Variants in RYK observed in about 807,000 individuals in gnomAD.
The protein encoded by RYK is inactive tyrosine-protein kinase RYK.
In RYK, 21 loss-of-function variants were observed where a neutral mutation model predicts 70.2. The observed-to-expected ratio is 0.30, with a 90% CI of 0.21 to 0.43. The LOEUF (loss-of-function observed/expected upper bound fraction) is 0.43. Ranked by LOEUF, RYK falls within the 20% of genes least tolerant of loss-of-function variation. The pLI is 1.00. For synonymous variants in RYK, 267 were observed against 278.0 expected (o/e 0.96, Z 0.39); for missense variants, 604 against 753.3 (o/e 0.80, Z 2.32).
intron 4 of RYK, among the ~76,000 whole-genome samples, chr3:134,208,714 GA>G (rs1320997022): frequency 6.6e-6 from 1 of 152,184 alleles, no homozygotes; most frequent in African/African-American, 2.4e-5. Flanking sequence ...CAAAGAGGCT[GA>G]GAGAACAGGT....
chr3:134,203,462 G>T (rs930432421), intron 5 of RYK, among the ~76,000 whole-genome samples: 1 of 152,152 alleles, frequency 6.6e-6, no homozygotes, highest in East Asian at 1.9e-4. Context: ...GAAAGTCTAT[G>T]GGACAAATGG....
intron 13 of RYK, among the ~76,000 whole-genome samples, chr3:134,161,463 G>A (rs191759178): frequency 3.6e-4 from 55 of 152,166 alleles, no homozygotes; most frequent in African/African-American, 1.2e-3. Context: ...AAATGCCTCC[G>A]GACATAGCCA....
intron 13 of RYK, among the ~76,000 whole-genome samples, chr3:134,161,083 TAAC>T (rs2012455665): frequency 6.6e-6 from 1 of 152,174 alleles, no homozygotes; most frequent in Non-Finnish European, 1.5e-5. Flanking sequence ...AATATATTAG[TAAC>T]AACTGAACAT....
At chr3:134,238,290 G>A (rs1037712579) in intron 1 of RYK, among the ~76,000 whole-genome samples, 2 of 152,116 alleles carry the variant, frequency 1.3e-5, no homozygotes, top group Non-Finnish European at 2.9e-5. Context: ...GTAATTCTCT[G>A]CCACATTCTT....
chr3:134,241,245 G>A (rs974990040), intron 1 of RYK, among the ~76,000 whole-genome samples: 1 of 151,318 alleles, frequency 6.6e-6, no homozygotes, highest in Admixed American at 6.6e-5. Context: ...AGCTACTCAG[G>A]AGCCTTAGGC....
At chr3:134,204,918 C>G (rs769318275) in intron 5 of RYK, among the ~76,000 whole-genome samples, 13 of 152,024 alleles carry the variant, frequency 8.6e-5, no homozygotes, top group Non-Finnish European at 1.8e-4. Context: ...AGAGCAGAAG[C>G]AGGGAACAAG....
Position 134,158,105 on chromosome 3 carries a change from G to T in RYK, c.*48C>A. The T allele has an allele frequency of 9.2e-7, 1 of 1,086,466 alleles. No homozygotes were observed. The highest frequency in any genetic ancestry group is 1.2e-6 in the Non-Finnish European group (1 of 800,334). The allele number at this position is 1,086,466 out of a possible 1,614,324, so 67.3% of individuals were successfully genotyped here. Reference sequence around the variant, plus strand: ...AAAGCATCCCTGACAGGCTTCAAGTGAGCCCCGACAGGCACCTTCTTCCTG... The same window carrying T: ...AAAGCATCCCTGACAGGCTTCAAGTTAGCCCCGACAGGCACCTTCTTCCTG... On this transcript the variant is annotated 3_prime_UTR_variant, in exon 15 of 15. Coordinates refer to ENST00000623711, the MANE Select transcript of RYK (RefSeq NM_002958.4).
chr3:134,249,722 CAG>C (rs532072700), intron 1 of RYK, among the ~76,000 whole-genome samples: 144 of 152,164 alleles, frequency 9.5e-4, no homozygotes, highest in African/African-American at 3.2e-3. Context: ...CCCAGAAGTA[CAG>C]AGTCAGTCCA....
In RYK at chr3:134,159,090, G is replaced by GT. The variant is rs1342098219; in HGVS notation, c.1712+146dup. The GT allele has an allele frequency of 1.5e-5, 13 of 868,194 alleles. No individual in the cohort carries two copies. In the Admixed American group the frequency reaches 2.3e-4, roughly 15 times the overall value. The allele number at this position is 868,194 out of a possible 1,614,324, so 53.8% of individuals were successfully genotyped here. A position where few individuals can be genotyped will look rare whatever the true frequency, so the allele number is the denominator to read the frequency against. ...GTGAACGAATCTCCCTGACTTTGTG[G>GT]TTTTTTATAAGAGTCTAATTTAAAT... is the stretch of plus-strand genomic sequence containing the variant. On this transcript the variant is annotated intron_variant, in intron 14 of 14. Transcript: ENST00000623711.
rs1359982924 is a variant in RYK, at chr3:134,207,476, A to G, written c.639T>C (p.Thr213=). The part of the protein sequence containing the change: ...TSALDKNTSR[T]IYDPVHAAPT... ...AGATAATACAGTAACACTTACAAAT[A>G]GTTCTGCTAGTGTTTTTGTCCAAGG... Residue 213 remains threonine, a synonymous_variant, in exon 5 of 15, where the codon ACT becomes ACC. Transcript: ENST00000623711. The G allele has an allele frequency of 6.5e-7, 1 of 1,533,272 alleles. No individual in the cohort carries two copies. Among genetic ancestry groups the G allele is most frequent in the South Asian group, 1.2e-5 (1 of 81,040 alleles). The allele number at this position is 1,533,272 out of a possible 1,614,324, so 95.0% of individuals were successfully genotyped here. A position where few individuals can be genotyped will look rare whatever the true frequency, so the allele number is the denominator to read the frequency against.
At chr3:134,231,207 AAAG>A (rs1421527992) in intron 1 of RYK, among the ~76,000 whole-genome samples, 33 of 151,974 alleles carry the variant, frequency 2.2e-4, no homozygotes, top group Non-Finnish European at 2.6e-4. Context: ...AAAAAAAAAA[AAAG>A]AAGAAAATGC....
intron 6 of RYK, among the ~76,000 whole-genome samples, chr3:134,200,832 C>T (rs773360560): frequency 6.6e-6 from 1 of 152,146 alleles, no homozygotes; most frequent in Non-Finnish European, 1.5e-5. Flanking sequence ...GCTCTGAAAA[C>T]GTGATAATAT....
chr3:134,241,974 G>A (rs2015336645), intron 1 of RYK, among the ~76,000 whole-genome samples: 1 of 152,174 alleles, frequency 6.6e-6, no homozygotes, highest in African/African-American at 2.4e-5. Flanking sequence ...CTAGAGACTT[G>A]TGTGCTGTCT....
rs1355673559 is a variant in RYK, at chr3:134,157,475, C to A, written c.*678G>T. The A allele has an allele frequency of 6.6e-6, 1 of 152,200 alleles. No individual in the cohort carries two copies. Among genetic ancestry groups the A allele is most frequent in the Admixed American group, 6.5e-5 (1 of 15,292 alleles). 9.4% of individuals were successfully genotyped at this position (152,200 alleles called of 1,614,324 possible). On this transcript the variant is annotated 3_prime_UTR_variant, in exon 15 of 15. Coordinates refer to ENST00000623711, the MANE Select transcript of RYK (RefSeq NM_002958.4). ...AATTAAAGATGTAATGAACTCAGTT[C>A]CTGCTTTCCCAAAAACACGAAAGCA...
chr3:134,243,613 T>C (rs981598850), intron 1 of RYK, among the ~76,000 whole-genome samples: 34 of 152,190 alleles, frequency 2.2e-4, no homozygotes, highest in Non-Finnish European at 4.0e-4. Context: ...AGATTTTTCC[T>C]ACCCCACAAT....
intron 2 of RYK, among the ~76,000 whole-genome samples, chr3:134,221,594 A>G (rs1041792827): frequency 6.6e-6 from 1 of 152,210 alleles, no homozygotes; most frequent in Non-Finnish European, 1.5e-5. Flanking sequence ...AAGATTTTTA[A>G]AAATCTATAT....
chr3:134,215,248 C>T (rs1488813251), intron 2 of RYK, among the ~76,000 whole-genome samples: 2 of 152,128 alleles, frequency 1.3e-5, no homozygotes, highest in African/African-American at 4.8e-5. Flanking sequence ...CTAAGACTGG[C>T]GCCTGAGCAT....
intron 13 of RYK, among the ~76,000 whole-genome samples, chr3:134,169,120 A>G (rs894791874): frequency 6.6e-6 from 1 of 152,226 alleles, no homozygotes; most frequent in Non-Finnish European, 1.5e-5. Context: ...ATACTTTTAA[A>G]AGGATCTCTT....
intron 1 of RYK, among the ~76,000 whole-genome samples, chr3:134,225,624 C>G (rs943357076): frequency 4.6e-5 from 7 of 152,080 alleles, no homozygotes; most frequent in East Asian, 1.9e-4. Flanking sequence ...GAGGCTGAAA[C>G]GAGAGGATCC....
Sources: allele counts gnomAD v4.1 joint callset (sites outside exome capture counted in the v4.1 genomes callset), GRCh38; gene constraint gnomAD v4.1.1; transcripts MANE v1.5; gene names NCBI Gene and HGNC (gene_info 2026-07-23, HGNC 2026-07-21).